Variants in SH3RF2 observed in about 807,000 individuals in gnomAD.
SH3RF2 encodes the protein SH3 domain containing ring finger 2, also known as E3 ubiquitin-protein ligase SH3RF2.
SH3RF2 carries 43 observed loss-of-function variants against 59.0 expected under a neutral mutation model. The ratio of observed to expected loss-of-function variants is 0.73; its 90% confidence interval spans 0.57 to 0.94. SH3RF2 has a LOEUF of 0.94. Ranked by LOEUF, SH3RF2 falls within the 40% of genes least tolerant of loss-of-function variation. SH3RF2 has a pLI of 0.00. For missense variants in SH3RF2, 930 were observed against 940.1 expected (o/e 0.99, Z 0.14); for synonymous variants, 391 against 391.5 (o/e 1.00, Z 0.01).
At chr5:146,079,367 G>A (rs2150030914) in exon 10 of SH3RF2, 1 of 152,228 alleles carries the variant, frequency 6.6e-6, no homozygotes, top group Non-Finnish European at 1.5e-5. Context: ...TCACATAAAT[G>A]AAATTCATAT....
chr5:145,964,663 G>C (rs1024671476), intron 2 of SH3RF2, among the ~76,000 whole-genome samples: 2 of 152,072 alleles, frequency 1.3e-5, no homozygotes, highest in Non-Finnish European at 2.9e-5. Flanking sequence ...ATAAACTGCA[G>C]TTATAATTAA....
At chr5:146,052,135 A>G (rs569559901) in intron 7 of SH3RF2, among the ~76,000 whole-genome samples, 1 of 152,244 alleles carries the variant, frequency 6.6e-6, no homozygotes, top group African/African-American at 2.4e-5. Context: ...ATCAGGCCTT[A>G]GTCCTAAATC....
chr5:146,064,081 G>C (rs1762987552), downstream of SH3RF2, among the ~76,000 whole-genome samples: 1 of 152,126 alleles, frequency 6.6e-6, no homozygotes, highest in South Asian at 2.1e-4. Flanking sequence ...CTTCCTAGGG[G>C]AAAGCTGCTA....
In SH3RF2 at chr5:146,062,414, T is replaced by C. The variant is rs1229555581; in HGVS notation, c.1915-12T>C. The C allele has an allele frequency of 6.2e-7, 1 of 1,611,924 alleles. No individual in the cohort carries two copies. The highest frequency in any genetic ancestry group is 8.5e-7 in the Non-Finnish European group (1 of 1,178,454). The stretch of plus-strand genomic sequence containing the variant: ...CCTCACCTGTGTCCATTTCCTCTCC[T>C]TTCTCTTGCAGCAAGTCAAAACCGT... On this transcript the variant is annotated splice_polypyrimidine_tract_variant and intron_variant, in intron 9 of 9. Coordinates refer to ENST00000359120, the MANE Select transcript of SH3RF2 (RefSeq NM_152550.4).
chr5:146,048,926 G>A (rs1429905096), intron 6 of SH3RF2, 149 bp from the exon 7 acceptor site: 17 of 847,504 alleles, frequency 2.0e-5, no homozygotes, highest in Non-Finnish European at 3.1e-5. Flanking sequence ...CGAACTGCTG[G>A]GATTAGAGGT....
At chr5:146,040,287 C>A (rs1336396543) in intron 5 of SH3RF2, among the ~76,000 whole-genome samples, 1 of 152,128 alleles carries the variant, frequency 6.6e-6, no homozygotes, top group Admixed American at 6.5e-5. Context: ...TATTATTATT[C>A]TTTAAATGAC....
intron 4 of SH3RF2, among the ~76,000 whole-genome samples, chr5:146,004,784 T>C (rs1163156526): frequency 6.6e-6 from 1 of 152,098 alleles, no homozygotes; most frequent in Non-Finnish European, 1.5e-5. Context: ...ATTGTTAAGT[T>C]TTTTAAAAGT....
chr5:146,073,587 T>A (rs944042279), intron 9 of SH3RF2, among the ~76,000 whole-genome samples: 1 of 152,200 alleles, frequency 6.6e-6, no homozygotes, highest in East Asian at 1.9e-4. Flanking sequence ...CTGCTCCCAC[T>A]CCATCTCCAT....
At chr5:146,056,237 T>G in intron 8 of SH3RF2, 24 bp downstream of exon 8, 1 of 1,613,898 alleles carries the variant, frequency 6.2e-7, no homozygotes, top group Middle Eastern at 1.6e-4. Context: ...GAGAGGTACG[T>G]GCCTAGAGCT....
chr5:145,949,997 C>T (rs1758131880), intron 2 of SH3RF2, among the ~76,000 whole-genome samples: 1 of 152,060 alleles, frequency 6.6e-6, no homozygotes, highest in Non-Finnish European at 1.5e-5. Flanking sequence ...GCCAACACAA[C>T]CAAGTGGAAT....
intron 4 of SH3RF2, among the ~76,000 whole-genome samples, chr5:146,012,931 A>G (rs1174111352): frequency 6.6e-6 from 1 of 152,122 alleles, no homozygotes; most frequent in African/African-American, 2.4e-5. Context: ...TGGTGGCTTG[A>G]AAAACTCCAC....
chr5:146,069,838 T>C (rs908465777), intron 9 of SH3RF2, among the ~76,000 whole-genome samples: 3 of 152,124 alleles, frequency 2.0e-5, no homozygotes, highest in African/African-American at 7.2e-5. Context: ...CCTCCCAAAG[T>C]GCTGAGATTA....
exon 10 of SH3RF2, chr5:146,081,742 G>T (rs1763428362): frequency 6.6e-6 from 1 of 151,896 alleles, no homozygotes; most frequent in South Asian, 2.1e-4. Context: ...CTTTTAGCAT[G>T]AAACAATAAA....
chr5:145,970,364 C>T (rs760580758), intron 2 of SH3RF2, among the ~76,000 whole-genome samples: 8 of 152,102 alleles, frequency 5.3e-5, no homozygotes, highest in Non-Finnish European at 1.0e-4. Flanking sequence ...TAAGTGAGAA[C>T]ATACAATATT....
intron 2 of SH3RF2, among the ~76,000 whole-genome samples, chr5:145,945,270 T>C (rs1404876697): frequency 6.6e-6 from 1 of 152,258 alleles, no homozygotes; most frequent in Non-Finnish European, 1.5e-5. Context: ...ATTCCACTTA[T>C]GTAAAATTGT....
At chr5:146,080,292 G>A in exon 10 of SH3RF2, 1 of 152,070 alleles carries the variant, frequency 6.6e-6, no homozygotes, top group Non-Finnish European at 1.5e-5. Flanking sequence ...GTAAAAAGAG[G>A]AAGGAGCAAA....
downstream of SH3RF2, among the ~76,000 whole-genome samples, chr5:146,067,030 T>C (rs1763124006): frequency 1.3e-5 from 2 of 152,060 alleles, no homozygotes; most frequent in Admixed American, 6.5e-5. Flanking sequence ...CCTGAGGAAA[T>C]GGTCCCATTG....
chr5:146,033,109 C>T lies in SH3RF2; in HGVS notation c.1060-14663C>T, dbSNP rs1002057498. 3.3e-5 allele frequency among the ~76,000 whole-genome samples: 5 copies of T among 152,288 alleles called. No homozygotes were observed. The South Asian group carries it at 8.3e-4, about 25-fold the overall frequency. On this transcript the variant is annotated intron_variant, in intron 5 of 9. Coordinates refer to ENST00000359120, the MANE Select transcript of SH3RF2 (RefSeq NM_152550.4). ...TATGTTTTTGCCTTGACATTCTCAA[C>T]GCCAGATGGGAAAAATGATGATAAT... is the stretch of plus-strand genomic sequence containing the variant.
intron 2 of SH3RF2, among the ~76,000 whole-genome samples, chr5:145,963,148 C>T (rs1023903141): frequency 7.9e-5 from 12 of 152,118 alleles, no homozygotes; most frequent in African/African-American, 1.2e-4. Flanking sequence ...CCACCCACCT[C>T]GGCCTCCCAA....
Sources: gnomAD v4.1 joint callset for allele counts (sites outside exome capture counted in the v4.1 genomes callset) on GRCh38, gnomAD v4.1.1 for gene constraint, MANE v1.5 for transcripts, NCBI Gene and HGNC (gene_info 2026-07-23, HGNC 2026-07-21) for gene names.